The following ZNF354A variants were observed in gnomAD, a reference collection of about 807,000 sequenced individuals.
ZNF354A encodes the protein zinc finger protein 354A, also known as epididymis luminal protein 104.
ZNF354A carries 25 observed loss-of-function variants against 53.3 expected under a neutral mutation model. The ratio of observed to expected loss-of-function variants is 0.47; its 90% confidence interval spans 0.34 to 0.66. ZNF354A has a LOEUF of 0.66. Ranked by LOEUF, ZNF354A falls within the 30% of genes least tolerant of loss-of-function variation. The probability of loss-of-function intolerance (pLI) is 0.01; values close to 1 mark genes in which losing one functional copy is unlikely to be tolerated. For synonymous variants in ZNF354A, 228 were observed against 249.0 expected (o/e 0.92, Z 0.79); for missense variants, 586 against 716.8 (o/e 0.82, Z 2.08).
intron 4 of ZNF354A, among the ~76,000 whole-genome samples, chr5:178,715,954 T>A (rs1237506881): frequency 6.6e-6 from 1 of 151,272 alleles, no homozygotes; most frequent in East Asian, 1.9e-4. Flanking sequence ...TGGAGTGCAG[T>A]GGCGCGACCT....
rs2113865112 is a variant in ZNF354A, at chr5:178,712,108, C to T, written c.1770G>A (p.Arg590=). The stretch of plus-strand genomic sequence containing the variant: ...TTTTATAATGATTAGTAAGGGATGA[C>T]CTATGGTTGAAAAGTTTCCCACATG... ...CNTCGKLFNH[R]SSLTNHYKIH... is the part of the protein sequence containing the mutation. The change falls in exon 5 of 5, where the codon AGG becomes AGA. Residue 590 remains arginine, a synonymous_variant. Transcript: ENST00000335815. The T allele has an allele frequency of 6.2e-7, 1 of 1,612,608 alleles. No individual in the cohort carries two copies. Among genetic ancestry groups the T allele is most frequent in the Non-Finnish European group, 8.5e-7 (1 of 1,179,126 alleles).
At chr5:178,720,899 G>A (rs1765800986) in intron 4 of ZNF354A, among the ~76,000 whole-genome samples, 2 of 152,126 alleles carry the variant, frequency 1.3e-5, no homozygotes, top group South Asian at 4.2e-4. Flanking sequence ...CAATGTAAAG[G>A]CAATTCAAAT....
At chr5:178,728,306 G>C (rs1460296565) in intron 2 of ZNF354A, among the ~76,000 whole-genome samples, 2 of 152,220 alleles carry the variant, frequency 1.3e-5, no homozygotes, top group African/African-American at 4.8e-5. Flanking sequence ...ACACAATAAA[G>C]ATGGATAGCG....
chr5:178,726,051 C>T, intron 3 of ZNF354A: 2 of 392,648 alleles, frequency 5.1e-6, no homozygotes, highest in Non-Finnish European at 1.0e-5. Flanking sequence ...ACCATGTTGG[C>T]CAGGATGGTC....
chr5:178,729,608 T>TAG (rs2113891487), intron 1 of ZNF354A, among the ~76,000 whole-genome samples: 1 of 151,104 alleles, frequency 6.6e-6, no homozygotes, highest in Non-Finnish European at 1.5e-5. Context: ...TGGAGTGCAG[T>TAG]AGCGCAGTGG....
At chr5:178,726,223 T>A in intron 3 of ZNF354A, 1 of 455,776 alleles carries the variant, frequency 2.2e-6, no homozygotes, top group Non-Finnish European at 4.4e-6. Flanking sequence ...TGTTTATGTA[T>A]GGCCCTGTGC....
Position 178,713,612 on chromosome 5 carries a change from C to A in ZNF354A, c.266G>T (p.Ser89Ile). ...GSGVSSLGSKSSHKTTKSTQT... is the reference protein window; with the variant it reads ...GSGVSSLGSKISHKTTKSTQT... ...CGTTGACTTTGTGGTTTTATGACTG[C>A]TCTTCGATCCTGGAGGGAAAAAAAA... Residue 89 changes from serine to isoleucine, a missense_variant, in exon 5 of 5, where the codon AGC becomes ATC. This residue lies in a region of ZNF354A where 573 missense variants were observed against 680.1 expected (regional missense o/e 0.84). Coordinates refer to ENST00000335815, the MANE Select transcript of ZNF354A (RefSeq NM_005649.3). 1 of 1,554,626 alleles carries A rather than the reference C, an allele frequency of 6.4e-7. No individual in the cohort carries two copies.
At chr5:178,722,078 A>AT (rs1765823262) in intron 4 of ZNF354A, among the ~76,000 whole-genome samples, 1 of 151,792 alleles carries the variant, frequency 6.6e-6, no homozygotes, top group Non-Finnish European at 1.5e-5. Context: ...GCCTCTCCTG[A>AT]TTTTCCTTAC....
intron 4 of ZNF354A, among the ~76,000 whole-genome samples, chr5:178,715,391 G>A (rs1210952432): frequency 2.6e-5 from 4 of 151,764 alleles, no homozygotes; most frequent in Non-Finnish European, 5.9e-5. Context: ...ATTCCCTAGG[G>A]TTTTGGATTT....
intron 2 of ZNF354A, among the ~76,000 whole-genome samples, chr5:178,728,080 G>C (rs968896654): frequency 6.6e-6 from 1 of 152,136 alleles, no homozygotes; most frequent in African/African-American, 2.4e-5. Flanking sequence ...AACCTCAGGC[G>C]ATCTGCCGGC....
rs552131359 is a variant in ZNF354A, at chr5:178,712,608, G to A, written c.1270C>T (p.Arg424Ter). ...TGAATGATTCGGTGTCTATTAAGTC[G>A]TGAAATAGAAGTAAAGCCTTTCCCA... ...ECGKGFTSIS[R>*]LNRHRIIHTG... Residue 424 changes from arginine to a stop codon, truncating the protein, a stop_gained, in exon 5 of 5, where the codon CGA becomes TGA. Transcript: ENST00000335815. LOFTEE classifies it high-confidence loss of function. 6 of 1,614,084 alleles carry A rather than the reference G, an allele frequency of 3.7e-6. No individual in the cohort carries two copies. Among genetic ancestry groups the A allele is most frequent in the Admixed American group, 1.7e-5 (1 of 60,006 alleles).
At chr5:178,730,355 G>A (rs1188221673) in intron 1 of ZNF354A, among the ~76,000 whole-genome samples, 2 of 151,998 alleles carry the variant, frequency 1.3e-5, no homozygotes, top group African/African-American at 4.8e-5. Context: ...CGGCGTCCAC[G>A]GCGAGCCGGA....
intron 4 of ZNF354A, among the ~76,000 whole-genome samples, chr5:178,718,211 T>A (rs564471486): frequency 1.6e-4 from 25 of 152,246 alleles, no homozygotes; most frequent in African/African-American, 6.0e-4. Context: ...CTCTTCCTTA[T>A]GATCTGTTTA....
chr5:178,725,269 T>C (rs1765882852), intron 4 of ZNF354A, 107 bp downstream of exon 4: 1 of 1,111,938 alleles, frequency 9.0e-7, no homozygotes, highest in South Asian at 1.3e-5. Context: ...CCATCACTTC[T>C]TGAGGCCTGA....
intron 2 of ZNF354A, among the ~76,000 whole-genome samples, chr5:178,728,572 C>T (rs1176241920): frequency 6.6e-6 from 1 of 151,104 alleles, no homozygotes. Flanking sequence ...GGTGGATCAC[C>T]TGAGGTCAGG....
chr5:178,722,291 G>A (rs1189413669), intron 4 of ZNF354A, among the ~76,000 whole-genome samples: 1 of 152,112 alleles, frequency 6.6e-6, no homozygotes, highest in African/African-American at 2.4e-5. Context: ...TTCAAGCTCA[G>A]TCTACATTTT....
intron 4 of ZNF354A, among the ~76,000 whole-genome samples, chr5:178,721,478 C>T (rs552000943): frequency 1.3e-5 from 2 of 152,146 alleles, no homozygotes; most frequent in Non-Finnish European, 2.9e-5. Flanking sequence ...TGCTCCATGA[C>T]AGTGTAAGTA....
rs746292908 is a variant in ZNF354A, at chr5:178,729,872, G to GCTTCTTTTTTTTTTTTTT, written c.-52+683_-52+684insAAAAAAAAAAAAAAGAAG. ...CCATGTATCCCATTTCTAACACGAT[G>GCTTCTTTTTTTTTTTTTT]TTTCTTTTTTGAGACGGAGTCTCGC... On this transcript the variant is annotated intron_variant, in intron 1 of 4. Coordinates refer to ENST00000335815, the MANE Select transcript of ZNF354A (RefSeq NM_005649.3). Among the ~76,000 whole-genome samples, 14 of 143,330 alleles carry GCTTCTTTTTTTTTTTTTT rather than the reference G, an allele frequency of 9.8e-5. 1 individual carries two copies. The highest frequency in any genetic ancestry group is 5.1e-5 in the African/African-American group (2 of 38,914). The allele number at this position is 143,330 out of a possible 152,430, so 94.0% of individuals were successfully genotyped here.
At chr5:178,720,551 C>T (rs937925026) in intron 4 of ZNF354A, among the ~76,000 whole-genome samples, 5 of 152,118 alleles carry the variant, frequency 3.3e-5, no homozygotes, top group African/African-American at 1.2e-4. Context: ...AGTTGGCCAT[C>T]GCTACAAGCT....
Sources: allele counts gnomAD v4.1 joint callset (sites outside exome capture counted in the v4.1 genomes callset), GRCh38; gene constraint gnomAD v4.1.1; regional missense constraint gnomAD v4.1.1; transcripts MANE v1.5; gene names NCBI Gene and HGNC (gene_info 2026-07-23, HGNC 2026-07-21).